The following PCDHA10 variants were observed in gnomAD, a reference collection of about 807,000 sequenced individuals.
The protein encoded by PCDHA10 is protocadherin alpha 10.
Under a neutral mutation model 61.2 loss-of-function variants are expected in PCDHA10, and 45 were observed. The observed-to-expected ratio is 0.74, with a 90% confidence interval of 0.58 to 0.94. The LOEUF is 0.94. PCDHA10 is among the 40% of genes least tolerant of loss of function. The pLI is 0.00. For missense variants in PCDHA10, 1,278 were observed against 1,236.2 expected (o/e 1.03, Z -0.51); for synonymous variants, 602 against 548.8 (o/e 1.10, Z -1.35).
At chr5:140,971,715 T>C (rs2096493906) in intron 1 of PCDHA10, among the ~76,000 whole-genome samples, 1 of 152,048 alleles carries the variant, frequency 6.6e-6, no homozygotes. Context: ...TATATAGATA[T>C]ATGTATATCA....
At chr5:140,884,577 T>C (rs2060274481) in intron 1 of PCDHA10, 2 of 1,614,230 alleles carry the variant, frequency 1.2e-6, no homozygotes, top group East Asian at 4.5e-5. Context: ...ACGGACCTCA[T>C]GGCCTTCAGT....
rs1243853436 is a variant in PCDHA10, at chr5:140,900,308, A to G, written c.2388+41872A>G. ...CTTTTCTGTTTTTTTAGACAGTCTC[A>G]CTTTTGTCGCCCAGGCTGGAGTACC... On this transcript the variant is annotated intron_variant, in intron 1 of 3. Transcript: ENST00000307360. 1.3e-4 allele frequency among the ~76,000 whole-genome samples: 19 copies of G among 149,982 alleles called. No individual in the cohort carries two copies. The East Asian group carries it at 3.9e-3, about 31-fold the overall frequency.
intron 1 of PCDHA10, chr5:140,927,371 G>GCTACAGCCTAAGCC: frequency 6.2e-7 from 1 of 1,614,080 alleles, no homozygotes; most frequent in Non-Finnish European, 8.5e-7. Context: ...GGGATACTAA[G>GCTACAGCCTAAGCC]CTACAGCCTA....
chr5:141,000,499 C>T (rs2097942558), intron 3 of PCDHA10, among the ~76,000 whole-genome samples: 1 of 138,650 alleles, frequency 7.2e-6, no homozygotes, highest in African/African-American at 2.7e-5. Context: ...AAGATCTCGG[C>T]TCACTGCAAC....
At chr5:140,885,832 T>C (rs888778134) in intron 1 of PCDHA10, among the ~76,000 whole-genome samples, 1 of 152,244 alleles carries the variant, frequency 6.6e-6, no homozygotes, top group South Asian at 2.1e-4. Flanking sequence ...TTCTTTGATT[T>C]ATCCATTAAG....
intron 1 of PCDHA10, chr5:140,877,350 G>T (rs376513441): frequency 1.9e-6 from 3 of 1,614,014 alleles, no homozygotes; most frequent in Non-Finnish European, 2.5e-6. Flanking sequence ...ACGTGGGGCT[G>T]TACACTGGCG....
intron 1 of PCDHA10, chr5:140,877,772 C>A (rs372461540): frequency 1.2e-6 from 2 of 1,614,152 alleles, no homozygotes; most frequent in Non-Finnish European, 1.7e-6. Context: ...CCGCCCAAGA[C>A]GGACCTCATG....
rs189936741 is a variant in PCDHA10, at chr5:140,928,492, C to T, written c.2389-50457C>T. The T allele has an allele frequency of 1.5e-5, 24 of 1,614,150 alleles. No individual in the cohort carries two copies. In the East Asian group the frequency reaches 5.3e-4, roughly 36 times the overall value. ...AGAAGGCCGGGATGGTGGCATTCCT[C>T]CCAGAAGTGCAACAGTGACTATAAA... On this transcript the variant is annotated intron_variant, in intron 1 of 3. Transcript: ENST00000307360.
At chr5:140,908,103 TC>T (rs1554193224) in intron 1 of PCDHA10, among the ~76,000 whole-genome samples, 2 of 152,192 alleles carry the variant, frequency 1.3e-5, no homozygotes, top group Non-Finnish European at 2.9e-5. Flanking sequence ...TGAAGTTCTG[TC>T]CACTGGGAAG....
intron 3 of PCDHA10, among the ~76,000 whole-genome samples, chr5:140,992,004 G>A (rs1165725360): frequency 2.0e-5 from 3 of 147,598 alleles, no homozygotes; most frequent in Non-Finnish European, 3.0e-5. Context: ...TTCATGTTCA[G>A]GCAGAGGTGG....
At chr5:140,927,793 C>A in intron 1 of PCDHA10, 1 of 1,614,180 alleles carries the variant, frequency 6.2e-7, no homozygotes, top group Non-Finnish European at 8.5e-7. Context: ...TTCACTAGGT[C>A]CGCCTGAAAC....
intron 1 of PCDHA10, chr5:140,968,853 A>G (rs782470050): frequency 3.7e-6 from 6 of 1,614,108 alleles, no homozygotes; most frequent in Non-Finnish European, 4.2e-6. Context: ...AGGCATGTTA[A>G]GAGCCCTCGG....
rs1554149670 is a variant in PCDHA10 at position 140,857,208 on chromosome 5, C to G, written c.1160C>G (p.Ser387Cys). ...GGAGCCAACGGACAGGTCACCTGCTCTCTGACGCCTCACGTTCCGTTCAAG... is the reference window on the plus strand; with the variant it reads ...GGAGCCAACGGACAGGTCACCTGCTGTCTGACGCCTCACGTTCCGTTCAAG... ...DSGANGQVTC[S>C]LTPHVPFKLV... Residue 387 changes from serine to cysteine, a missense_variant, in exon 1 of 4, where the codon TCT becomes TGT. By Grantham distance (112) the Ser-to-Cys change is moderately radical. Coordinates refer to ENST00000307360, the MANE Select transcript of PCDHA10 (RefSeq NM_018901.4). 4 of 1,598,578 alleles carry G rather than the reference C, an allele frequency of 2.5e-6. No homozygotes were observed. The highest frequency in any genetic ancestry group is 3.4e-6 in the Non-Finnish European group (4 of 1,167,946).
intron 1 of PCDHA10, among the ~76,000 whole-genome samples, chr5:140,901,939 A>G (rs1583441166): frequency 6.6e-6 from 1 of 151,884 alleles, no homozygotes; most frequent in Non-Finnish European, 1.5e-5. Flanking sequence ...TCCTAGGTAT[A>G]TTTAGTTTTA....
chr5:140,935,405 A>G (rs1554210493), intron 1 of PCDHA10, among the ~76,000 whole-genome samples: 1 of 152,248 alleles, frequency 6.6e-6, no homozygotes, highest in Non-Finnish European at 1.5e-5. Context: ...GGACTCAAAC[A>G]ATGGACTTAG....
At chr5:140,866,412 A>C (rs1308561363) in intron 1 of PCDHA10, 1 of 152,116 alleles carries the variant, frequency 6.6e-6, no homozygotes, top group Non-Finnish European at 1.5e-5. Context: ...AAAATCTTCA[A>C]ATGTGTGTAG....
intron 1 of PCDHA10, chr5:140,966,860 T>C (rs1586162562): frequency 3.2e-6 from 5 of 1,577,484 alleles, no homozygotes; most frequent in East Asian, 2.3e-5. Context: ...CCTGCTGCTG[T>C]TGCTGCTGCT....
In PCDHA10 at chr5:140,969,065, A is replaced by G. The variant is rs1554231418; in HGVS notation, c.2389-9884A>G. 4.3e-6 allele frequency: 7 copies of G among 1,614,188 alleles called. No individual in the cohort carries two copies. The East Asian group carries it at 1.6e-4, about 36-fold the overall frequency. On this transcript the variant is annotated intron_variant, in intron 1 of 3. Coordinates refer to ENST00000307360, the MANE Select transcript of PCDHA10 (RefSeq NM_018901.4). ...ACAAGCCAACAACAATATTGATGCC[A>G]GGATACCGCATGGCCTCAAAGTGCA...
chr5:140,970,847 C>A (rs2096437224), intron 1 of PCDHA10, among the ~76,000 whole-genome samples: 1 of 149,802 alleles, frequency 6.7e-6, no homozygotes, highest in Non-Finnish European at 1.5e-5. Context: ...TGCACAGGCA[C>A]AAAAGTTCCA....
Sources: allele counts gnomAD v4.1 joint callset (sites outside exome capture counted in the v4.1 genomes callset), GRCh38; gene constraint gnomAD v4.1.1; transcripts MANE v1.5; gene names NCBI Gene and HGNC (gene_info 2026-07-23, HGNC 2026-07-21).